ABCA3: variants seen among roughly 807,000 people sequenced by gnomAD.
ABCA3 encodes the protein phospholipid-transporting ATPase ABCA3.
A neutral mutation model predicts 172.8 loss-of-function variants in ABCA3; 88 were observed. The observed-to-expected ratio is 0.51, with a 90% CI of 0.43 to 0.61. The LOEUF is 0.61. ABCA3 is among the 20% of genes least tolerant of loss of function. The pLI is 0.00. For synonymous variants in ABCA3, 1,066 were observed against 983.8 expected (o/e 1.08, Z -1.56); for missense variants, 2,164 against 2,301.0 (o/e 0.94, Z 1.22).
chr16:2,325,859 TG>T, intron 5 of ABCA3, 150 bp downstream of exon 5: 1 of 1,060,132 alleles, frequency 9.4e-7, no homozygotes, highest in South Asian at 1.3e-5. Context: ...TTTTACAGGT[TG>T]AAGTAGTGAT....
Position 2,285,349 on chromosome 16 carries a change from G to T in ABCA3, c.3483+93C>A. 6.8e-7 allele frequency: 1 copy of T among 1,471,266 alleles called. No homozygotes were observed. Among genetic ancestry groups the T allele is most frequent in the Non-Finnish European group, 9.2e-7 (1 of 1,082,102 alleles). The allele number at this position is 1,471,266 out of a possible 1,614,324, so 91.1% of individuals were successfully genotyped here. A position where few individuals can be genotyped will look rare whatever the true frequency, so the allele number is the denominator to read the frequency against. ...AGTCGGGCCGAGCTGCCGGCCTAGG[G>T]GCTGCCCAGCTGGTTCCGGTTCTGC... On this transcript the variant is annotated intron_variant, in intron 23 of 32. Transcript: ENST00000301732. This position sits in a 1 kb window ranked among gnomAD's most constrained non-coding sequence, Gnocchi z 4.7.
rs373704695 is a variant in ABCA3 at position 2,278,448 on chromosome 16, T to G, written c.4558A>C (p.Lys1520Gln). 6.2e-7 allele frequency: 1 copy of G among 1,612,286 alleles called. No homozygotes were observed. Among genetic ancestry groups the G allele is most frequent in the Non-Finnish European group, 8.5e-7 (1 of 1,180,008 alleles). ...KLVRTYSGGNKRKLSTGIALI... is the reference protein window; with the variant it reads ...KLVRTYSGGNQRKLSTGIALI... ...GCGATGCCGGTGCTCAGCTTCCGCT[T>G]GTTACCACCACTAGAGGCAGGAGGG... is the stretch of plus-strand genomic sequence containing the variant. The change falls in exon 30 of 33, where the codon AAG becomes CAG. Residue 1520 changes from lysine to glutamine, a missense_variant. Lys to Gln is a moderately conservative substitution (Grantham distance 53). Transcript: ENST00000301732. The surrounding 1 kb of genome is among the most constrained non-coding windows in gnomAD (Gnocchi z 4.4).
At position 2,287,006 on chromosome 16, in the gene ABCA3, G is replaced by A. The variant is rs1160670102; in HGVS notation, c.3005-39C>T. 3 of 1,598,678 alleles carry A rather than the reference G, an allele frequency of 1.9e-6. No homozygotes were observed. Among genetic ancestry groups the A allele is most frequent in the African/African-American group, 1.3e-5 (1 of 74,738 alleles). On this transcript the variant is annotated intron_variant, in intron 21 of 32. Coordinates refer to ENST00000301732, the MANE Select transcript of ABCA3 (RefSeq NM_001089.3). This position sits in a 1 kb window ranked among gnomAD's most constrained non-coding sequence, Gnocchi z 4.1. ...GCAGAGTCAGGGGACACAGGAAGAG[G>A]TGACACCTGGGCACCCCCTGCCACC...
intron 10 of ABCA3, among the ~76,000 whole-genome samples, chr16:2,316,827 TAA>T (rs1434044149): frequency 6.6e-6 from 1 of 151,784 alleles, no homozygotes; most frequent in Non-Finnish European, 1.5e-5. Flanking sequence ...AGGTAATCAC[TAA>T]AAAAAGAGAA....
chr16:2,326,816 C>T (rs1394797293), intron 3 of ABCA3, among the ~76,000 whole-genome samples: 2 of 152,110 alleles, frequency 1.3e-5, no homozygotes, highest in African/African-American at 2.4e-5. Flanking sequence ...GGTGAAACCC[C>T]GTCTCTACTG....
rs45541437 is a variant in ABCA3, at chr16:2,299,705, G to A, written c.1612-173C>T. 0.011 allele frequency among the ~76,000 whole-genome samples: 1,645 copies of A among 152,242 alleles called. 18 individuals are homozygous for A. Among genetic ancestry groups the A allele is most frequent in the Non-Finnish European group, 0.016 (1,088 of 68,024 alleles). ...ATGCTGCTCCTGGCTGCTCCCCTCCGGTCTCCCCCAGCCCCAACACGTCCC... is the reference window on the plus strand; with the variant it reads ...ATGCTGCTCCTGGCTGCTCCCCTCCAGTCTCCCCCAGCCCCAACACGTCCC... On this transcript the variant is annotated intron_variant, in intron 13 of 32. Transcript: ENST00000301732.
intron 1 of ABCA3, among the ~76,000 whole-genome samples, chr16:2,334,241 T>C (rs58096215): frequency 0.044 from 6,631 of 152,028 alleles, 460 homozygotes; most frequent in African/African-American, 0.15. Flanking sequence ...GGAGACAGAC[T>C]GTGTATGGGG....
chr16:2,297,443 C>G lies in ABCA3; in HGVS notation c.2149G>C (p.Val717Leu), dbSNP rs757202240. ...TCGTCCATGAAGTGGGTGGTCAGCA[C>G]GATGGTGCGGTCACTTTTCTGCCGC... is the stretch of plus-strand genomic sequence containing the variant. ...LQRQKSDRTI[V>L]LTTHFMDEAD... is the part of the protein sequence containing the mutation. Residue 717 changes from valine to leucine, a missense_variant, in exon 17 of 33, where the codon GTG becomes CTG. Physicochemically the swap from Val to Leu is conservative, Grantham distance 32 (BLOSUM62 1). This residue lies in a region of ABCA3 where 1,343 missense variants were observed against 1,369.6 expected (regional missense o/e 0.98). Coordinates refer to ENST00000301732, the MANE Select transcript of ABCA3 (RefSeq NM_001089.3). This position sits in a 1 kb window ranked among gnomAD's most constrained non-coding sequence, Gnocchi z 5.6. The G allele has an allele frequency of 1.9e-6, 3 of 1,613,688 alleles. No homozygotes were observed. Among genetic ancestry groups the G allele is most frequent in the East Asian group, 4.5e-5 (2 of 44,876 alleles).
chr16:2,327,405 C>T (rs2093736001), intron 3 of ABCA3, among the ~76,000 whole-genome samples: 1 of 152,248 alleles, frequency 6.6e-6, no homozygotes, highest in African/African-American at 2.4e-5. Context: ...CCAAAATATT[C>T]AGGCTTATGG....
At chr16:2,305,858 T>G (rs1357507767) in intron 11 of ABCA3, among the ~76,000 whole-genome samples, 1 of 152,148 alleles carries the variant, frequency 6.6e-6, no homozygotes, top group African/African-American at 2.4e-5. Flanking sequence ...ACAGAAATAT[T>G]TCAAACACGT....
chr16:2,293,054 T>C (rs1018035996), intron 18 of ABCA3, among the ~76,000 whole-genome samples: 1 of 152,116 alleles, frequency 6.6e-6, no homozygotes, highest in African/African-American at 2.4e-5. Context: ...AATACCTTTT[T>C]TTTTCTTTTT....
intron 11 of ABCA3, among the ~76,000 whole-genome samples, chr16:2,307,052 A>G (rs2093699047): frequency 6.6e-6 from 1 of 151,552 alleles, no homozygotes; most frequent in Non-Finnish European, 1.5e-5. Context: ...AAAGAAAAGA[A>G]AAAAAGTGAG....
At position 2,283,172 on chromosome 16, in the gene ABCA3, C is replaced by T; in HGVS notation, c.4035+14G>A. On this transcript the variant is annotated intron_variant, in intron 26 of 32. Coordinates refer to ENST00000301732, the MANE Select transcript of ABCA3 (RefSeq NM_001089.3). This position sits in a 1 kb window ranked among gnomAD's most constrained non-coding sequence, Gnocchi z 5.4. ...AGCATCTCGCCAGTGTCCTGGGCTC[C>T]CGGAGCCACTCACCAGTGTCCGCCT... The T allele has an allele frequency of 6.2e-7, 1 of 1,611,992 alleles. No individual in the cohort carries two copies. The highest frequency in any genetic ancestry group is 8.5e-7 in the Non-Finnish European group (1 of 1,179,576).
At chr16:2,316,312 A>G (rs544084000) in intron 10 of ABCA3, among the ~76,000 whole-genome samples, 2 of 145,998 alleles carry the variant, frequency 1.4e-5, no homozygotes, top group East Asian at 4.0e-4. Flanking sequence ...CAGTCTCAAA[A>G]AAAAAAAAAA....
rs149072104 is a variant in ABCA3 at position 2,318,850 on chromosome 16, G to A, written c.873+731C>T. ...TGCATAATTTCTGACCTACAGAACA[G>A]CGGGAAGAGGAGCACAATGGTCTCT... On this transcript the variant is annotated intron_variant, in intron 8 of 32. Transcript: ENST00000301732. 1.2e-4 allele frequency among the ~76,000 whole-genome samples: 19 copies of A among 152,262 alleles called. No individual in the cohort carries two copies. The East Asian group carries it at 3.7e-3, about 29-fold the overall frequency.
chr16:2,302,409 CAT>C (rs774007158), intron 12 of ABCA3, among the ~76,000 whole-genome samples: 1 of 151,792 alleles, frequency 6.6e-6, no homozygotes, highest in African/African-American at 2.4e-5. Context: ...AATAGACAAA[CAT>C]ATATATGTAT....
intron 1 of ABCA3, among the ~76,000 whole-genome samples, chr16:2,335,353 A>G (rs1176765785): frequency 6.6e-6 from 1 of 151,936 alleles, no homozygotes; most frequent in African/African-American, 2.4e-5. Flanking sequence ...TCAGTCACAC[A>G]CAGTTATCCC....
chr16:2,285,723 C>G lies in ABCA3; in HGVS notation c.3279-77G>C, dbSNP rs893632051. ...GGAGAGGTCGGGTTCTCGGTTATGA[C>G]CGCCCAAGGCATGCAGGGCAGCAGC... On this transcript the variant is annotated intron_variant, in intron 22 of 32. Coordinates refer to ENST00000301732, the MANE Select transcript of ABCA3 (RefSeq NM_001089.3). The surrounding 1 kb of genome is among the most constrained non-coding windows in gnomAD (Gnocchi z 4.7). 11 of 1,430,004 alleles carry G rather than the reference C, an allele frequency of 7.7e-6. No homozygotes were observed. The African/African-American group carries it at 1.3e-4, about 17-fold the overall frequency. The allele number at this position is 1,430,004 out of a possible 1,614,324, so 88.6% of individuals were successfully genotyped here.
At chr16:2,322,274 C>A (rs1376943206) in intron 7 of ABCA3, among the ~76,000 whole-genome samples, 1 of 151,650 alleles carries the variant, frequency 6.6e-6, no homozygotes, top group Non-Finnish European at 1.5e-5. Context: ...AGAGAAAGGG[C>A]CTTTGCTATC....
Sources: allele counts gnomAD v4.1 joint callset (sites outside exome capture counted in the v4.1 genomes callset), GRCh38; gene constraint gnomAD v4.1.1; regional missense constraint gnomAD v4.1.1; non-coding constraint Gnocchi (gnomAD v3.1); transcripts MANE v1.5; gene names NCBI Gene and HGNC (gene_info 2026-07-23, HGNC 2026-07-21).